Variants in AGPAT3 observed in about 807,000 individuals in gnomAD.
AGPAT3 encodes the protein 1-acyl-sn-glycerol-3-phosphate acyltransferase gamma.
Under a neutral mutation model 47.3 loss-of-function variants are expected in AGPAT3, and 5 were observed. The observed-to-expected ratio is 0.11, with a 90% confidence interval of 0.06 to 0.22. AGPAT3 has a LOEUF of 0.22. Ranked by LOEUF, AGPAT3 falls within the 10% of genes least tolerant of loss-of-function variation. The pLI, the probability that AGPAT3 is intolerant of heterozygous loss-of-function variation, is 1.00. For synonymous variants in AGPAT3, 212 were observed against 208.3 expected (o/e 1.02, Z -0.15); for missense variants, 315 against 493.0 (o/e 0.64, Z 3.42).
intron 7 of AGPAT3, among the ~76,000 whole-genome samples, chr21:43,975,041 G>T (rs542358594): frequency 1.3e-5 from 2 of 152,228 alleles, no homozygotes; most frequent in Non-Finnish European, 2.9e-5. Context: ...TTGCTGATGT[G>T]TGTGTTGTGC....
At chr21:43,944,818 G>A (rs1401286271) in intron 2 of AGPAT3, among the ~76,000 whole-genome samples, 1 of 152,264 alleles carries the variant, frequency 6.6e-6, no homozygotes, top group African/African-American at 2.4e-5. Context: ...AAGCTCAGAT[G>A]TGCAGTGTCA....
At chr21:43,905,352 G>T (rs1040731654) in intron 2 of AGPAT3, among the ~76,000 whole-genome samples, 1 of 151,870 alleles carries the variant, frequency 6.6e-6, no homozygotes, top group Non-Finnish European at 1.5e-5. Context: ...ACCACGTCCG[G>T]CTAATTTTTG....
In AGPAT3 at chr21:43,939,448, G is replaced by C. The variant is rs547964074; in HGVS notation, c.-48-20186G>C. On this transcript the variant is annotated intron_variant, in intron 2 of 9. Coordinates refer to ENST00000291572, the MANE Select transcript of AGPAT3 (RefSeq NM_020132.5). This position sits in a 1 kb window ranked among gnomAD's most constrained non-coding sequence, Gnocchi z 4.4. The stretch of plus-strand genomic sequence containing the variant: ...TTTCAGATTGAGAGGTTTCAGGCTG[G>C]AGTGACATGGAGGGACGTGCCTGAC... Among the ~76,000 whole-genome samples, 14 of 152,178 alleles carry C rather than the reference G, an allele frequency of 9.2e-5. No homozygotes were observed. Among genetic ancestry groups the C allele is most frequent in the East Asian group, 1.9e-4 (1 of 5,200 alleles).
chr21:43,906,065 C>T (rs2086486152), intron 2 of AGPAT3, among the ~76,000 whole-genome samples: 1 of 152,194 alleles, frequency 6.6e-6, no homozygotes, highest in Non-Finnish European at 1.5e-5. Context: ...CCTTTGTTCC[C>T]TTTCTGGGGA....
chr21:43,929,370 C>A (rs1275428474), intron 2 of AGPAT3, among the ~76,000 whole-genome samples: 3 of 152,244 alleles, frequency 2.0e-5, no homozygotes, highest in African/African-American at 7.2e-5. Flanking sequence ...ACTCTGTCAG[C>A]CGCTCCCTGC....
At chr21:43,956,241 G>A (rs2088458894) in intron 2 of AGPAT3, among the ~76,000 whole-genome samples, 1 of 152,212 alleles carries the variant, frequency 6.6e-6, no homozygotes, top group Non-Finnish European at 1.5e-5. Flanking sequence ...TGCCCAGCGT[G>A]TCTGAGGCTC....
At chr21:43,966,603 T>TC (rs1227956066) in intron 3 of AGPAT3, 10 of 152,204 alleles carry the variant, frequency 6.6e-5, no homozygotes, top group Admixed American at 6.5e-4. Flanking sequence ...GGAAGACACT[T>TC]CCCTGCACCT....
At chr21:43,960,202 C>T (rs1413594393) in intron 3 of AGPAT3, among the ~76,000 whole-genome samples, 1 of 152,230 alleles carries the variant, frequency 6.6e-6, no homozygotes, top group Admixed American at 6.5e-5. Context: ...GTGTGTCCTG[C>T]CCACACTGCG....
In AGPAT3 at chr21:43,968,034, C is replaced by T. The variant is rs115397760; in HGVS notation, c.267C>T (p.His89=). Residue 89 remains histidine, a synonymous_variant, in exon 4 of 10, where the codon CAC becomes CAT. Transcript: ENST00000291572. ...QATVERFGKE[H]AVIILNHNFE... is the part of the protein sequence containing the mutation. The stretch of plus-strand genomic sequence containing the variant: ...CGGTAGAGCGCTTTGGGAAGGAGCA[C>T]GCAGTCATCATCCTCAACCACAACT... 772 of 1,613,920 alleles carry T rather than the reference C, an allele frequency of 4.8e-4. 5 individuals carry two copies. The African/African-American group carries it at 8.9e-3, about 19-fold the overall frequency.
rs994934543 is a variant in AGPAT3 at position 43,939,988 on chromosome 21, C to T, written c.-48-19646C>T. Among the ~76,000 whole-genome samples the T allele has an allele frequency of 4.6e-5, 7 of 152,236 alleles. No individual in the cohort carries two copies. Among genetic ancestry groups the T allele is most frequent in the Admixed American group, 1.3e-4 (2 of 15,290 alleles). On this transcript the variant is annotated intron_variant, in intron 2 of 9. Transcript: ENST00000291572. This position sits in a 1 kb window ranked among gnomAD's most constrained non-coding sequence, Gnocchi z 4.4. The stretch of plus-strand genomic sequence containing the variant: ...CCTGTGTGTATGTCCTGCTTCAGCG[C>T]GCTCCTGGGGTCCCTTGAGTTGGTC...
chr21:43,940,967 G>C (rs1186213768), intron 2 of AGPAT3, among the ~76,000 whole-genome samples: 1 of 152,188 alleles, frequency 6.6e-6, no homozygotes, highest in Non-Finnish European at 1.5e-5. Flanking sequence ...TTGTGCTCCA[G>C]GCCTCCAGTG....
chr21:43,944,591 A>C (rs1049542776), intron 2 of AGPAT3, among the ~76,000 whole-genome samples: 1 of 152,226 alleles, frequency 6.6e-6, no homozygotes, highest in Non-Finnish European at 1.5e-5. Flanking sequence ...TTCCCCAGAA[A>C]AGCACAGAAA....
chr21:43,922,550 G>A lies in AGPAT3; in HGVS notation c.-49+18531G>A, dbSNP rs1267418919. On this transcript the variant is annotated intron_variant, in intron 2 of 9. Transcript: ENST00000291572. This position sits in a 1 kb window ranked among gnomAD's most constrained non-coding sequence, Gnocchi z 4.9. Reference sequence around the variant, plus strand: ...GTGTCCCTGTGTCCCTGGAAGAGAGGCCTGCATGGCAGGGGGCACAGAGAC... The same window carrying A: ...GTGTCCCTGTGTCCCTGGAAGAGAGACCTGCATGGCAGGGGGCACAGAGAC... Among the ~76,000 whole-genome samples the A allele has an allele frequency of 2.6e-5, 4 of 152,180 alleles. No individual in the cohort carries two copies. Among genetic ancestry groups the A allele is most frequent in the African/African-American group, 9.6e-5 (4 of 41,452 alleles).
rs114290131 is a variant in AGPAT3 at position 43,953,581 on chromosome 21, A to G, written c.-48-6053A>G. On this transcript the variant is annotated intron_variant, in intron 2 of 9. Transcript: ENST00000291572. Reference sequence around the variant, plus strand: ...ATGTTAAGCAAAAGAGACTTTTAATATATTCCACAATGATAAAATCCTGTG... The same window carrying G: ...ATGTTAAGCAAAAGAGACTTTTAATGTATTCCACAATGATAAAATCCTGTG... 2.2e-3 allele frequency among the ~76,000 whole-genome samples: 333 copies of G among 152,356 alleles called. 1 individual carries two copies. Among genetic ancestry groups the G allele is most frequent in the African/African-American group, 7.6e-3 (318 of 41,574 alleles).
intron 2 of AGPAT3, among the ~76,000 whole-genome samples, chr21:43,919,266 C>T (rs1415861632): frequency 0.018 from 2 of 110 alleles, no homozygotes; most frequent in African/African-American, 0.11. Flanking sequence ...ACCTGTCACC[C>T]GAGCAGTGGT....
intron 2 of AGPAT3, among the ~76,000 whole-genome samples, chr21:43,958,053 T>C (rs1340586797): frequency 6.6e-6 from 1 of 152,236 alleles, no homozygotes; most frequent in Non-Finnish European, 1.5e-5. Flanking sequence ...ATTCCCACAC[T>C]GAGGGGTTTG....
intron 1 of AGPAT3, among the ~76,000 whole-genome samples, chr21:43,876,993 G>A (rs138347373): frequency 1.3e-5 from 2 of 152,192 alleles, no homozygotes; most frequent in East Asian, 3.9e-4. Context: ...TGAGTAGCTG[G>A]GACTACAGGT....
rs141730337 is a variant in AGPAT3 at position 43,943,370 on chromosome 21, A to T, written c.-48-16264A>T. ...ATTACAGGCGTGAGCCACTGCGCCC[A>T]CCCGGGACATCATTTTCTACTTGTA... On this transcript the variant is annotated intron_variant, in intron 2 of 9. Transcript: ENST00000291572. Among the ~76,000 whole-genome samples, 500 of 151,778 alleles carry T rather than the reference A, an allele frequency of 3.3e-3. 1 individual carries two copies. Among genetic ancestry groups the T allele is most frequent in the Non-Finnish European group, 5.1e-3 (343 of 67,878 alleles).
At chr21:43,875,753 G>T (rs1271136990) in intron 1 of AGPAT3, among the ~76,000 whole-genome samples, 1 of 152,094 alleles carries the variant, frequency 6.6e-6, no homozygotes, top group Non-Finnish European at 1.5e-5. Flanking sequence ...GATTACAGGT[G>T]CCCACCACCA....
Sources: gnomAD v4.1 joint callset for allele counts (sites outside exome capture counted in the v4.1 genomes callset) on GRCh38, gnomAD v4.1.1 for gene constraint, Gnocchi (gnomAD v3.1) non-coding constraint, MANE v1.5 for transcripts, NCBI Gene and HGNC (gene_info 2026-07-23, HGNC 2026-07-21) for gene names.